The following SLC66A2 variants were observed in gnomAD, a reference collection of about 807,000 sequenced individuals.
SLC66A2 encodes the protein PQ loop repeat containing 1.
Under a neutral mutation model 25.5 loss-of-function variants are expected in SLC66A2, and 23 were observed. The observed-to-expected ratio is 0.90, with a 90% CI of 0.65 to 1.28. The LOEUF (loss-of-function observed/expected upper bound fraction) is 1.28. Ranked by LOEUF, SLC66A2 falls within the 50% of genes most tolerant of loss-of-function variation. The pLI is 0.00. For missense variants in SLC66A2, 396 were observed against 373.1 expected, an observed-to-expected ratio of 1.06 and a Z score of -0.51; for synonymous variants, 193 against 166.5, an observed-to-expected ratio of 1.16 and a Z score of -1.23.
chr18:79,921,949 G>A (rs1352555279), intron 4 of SLC66A2, among the ~76,000 whole-genome samples: 3 of 148,140 alleles, frequency 2.0e-5, no homozygotes, highest in African/African-American at 5.0e-5. Context: ...AGGGGCAGCC[G>A]AGGGTCAGAG....
chr18:79,920,541 CA>C (rs376147882), intron 4 of SLC66A2, among the ~76,000 whole-genome samples: 3 of 464 alleles, frequency 6.5e-3, no homozygotes, highest in Non-Finnish European at 0.33. Context: ...TGAGGAGAGA[CA>C]GGAACCGAGT....
At chr18:79,915,877 G>C (rs552779990) in intron 5 of SLC66A2, 1 of 150,534 alleles carries the variant, frequency 6.6e-6, no homozygotes, top group Non-Finnish European at 1.5e-5. Context: ...CTCCCATCTC[G>C]CCCACACAGC....
Position 79,903,853 on chromosome 18 carries a change from C to G in SLC66A2, c.*123G>C, listed in dbSNP as rs1475974886. 2.4e-6 allele frequency: 2 copies of G among 828,926 alleles called. No individual in the cohort carries two copies. The highest frequency in any genetic ancestry group is 3.7e-6 in the Non-Finnish European group (2 of 536,912). The allele number at this position is 828,926 out of a possible 1,614,324, so 51.3% of individuals were successfully genotyped here. ...ACACCCCACAGAGGCTGATGGAGAC[C>G]CCAATGCCCATGCCCCATCTCTGCC... is the stretch of plus-strand genomic sequence containing the variant. On this transcript the variant is annotated 3_prime_UTR_variant, in exon 6 of 6. Coordinates refer to ENST00000397778, the MANE Select transcript of SLC66A2 (RefSeq NM_025078.5).
intron 5 of SLC66A2, among the ~76,000 whole-genome samples, chr18:79,911,315 A>C (rs1281280522): frequency 6.6e-6 from 1 of 152,250 alleles, no homozygotes; most frequent in Non-Finnish European, 1.5e-5. Context: ...GGAGCCAGGC[A>C]GGCCAGGAGG....
Position 79,940,609 on chromosome 18 carries a change from G to C in SLC66A2, c.337+2720C>G, listed in dbSNP as rs967337388. Among the ~76,000 whole-genome samples, 2 of 152,058 alleles carry C rather than the reference G, an allele frequency of 1.3e-5. No individual in the cohort carries two copies. Among genetic ancestry groups the C allele is most frequent in the Non-Finnish European group, 1.5e-5 (1 of 68,004 alleles). Reference sequence around the variant, plus strand: ...ATGGGGCTGTGCTGCAGGAGCTACCGATCGGGCGGCCAGAAGCCAGAGCTT... The same window carrying C: ...ATGGGGCTGTGCTGCAGGAGCTACCCATCGGGCGGCCAGAAGCCAGAGCTT... On this transcript the variant is annotated intron_variant, in intron 3 of 5. Transcript: ENST00000397778. This position sits in a 1 kb window ranked among gnomAD's most constrained non-coding sequence, Gnocchi z 4.1.
At chr18:79,911,911 G>A (rs1349236926) in intron 5 of SLC66A2, among the ~76,000 whole-genome samples, 1 of 132,254 alleles carries the variant, frequency 7.6e-6, no homozygotes, top group African/African-American at 2.9e-5. Flanking sequence ...GGACAGGAGT[G>A]GGGGGGACGG....
chr18:79,905,032 A>G (rs4799104), intron 5 of SLC66A2, among the ~76,000 whole-genome samples: 152,210 of 152,264 alleles, frequency 1, 76,078 homozygotes, highest in Non-Finnish European at 1. Context: ...CCTGTGTGAG[A>G]GTCTTCAGGC....
At chr18:79,922,334 G>T (rs997549592) in intron 4 of SLC66A2, among the ~76,000 whole-genome samples, 8 of 151,030 alleles carry the variant, frequency 5.3e-5, no homozygotes, top group African/African-American at 1.9e-4. Context: ...TAATCTCTGA[G>T]AAGCCGTAGA....
At chr18:79,920,220 A>G (rs199828587) in intron 4 of SLC66A2, among the ~76,000 whole-genome samples, 2 of 27,924 alleles carry the variant, frequency 7.2e-5, no homozygotes, top group Admixed American at 4.7e-4. Context: ...TGAGAGGTCA[A>G]GGTCAGTGAG....
At chr18:79,925,247 G>A (rs902170627) in intron 4 of SLC66A2, among the ~76,000 whole-genome samples, 1 of 152,156 alleles carries the variant, frequency 6.6e-6, no homozygotes, top group Non-Finnish European at 1.5e-5. Flanking sequence ...CCGCACTGCT[G>A]AGCCCGACAG....
At chr18:79,931,030 T>C (rs1425592387) in intron 4 of SLC66A2, among the ~76,000 whole-genome samples, 1 of 152,200 alleles carries the variant, frequency 6.6e-6, no homozygotes, top group African/African-American at 2.4e-5. Flanking sequence ...TAAGTTAAGA[T>C]GAATATTGTA....
In SLC66A2 at chr18:79,904,266, G is replaced by A; in HGVS notation, c.609-83C>T. 2.3e-6 allele frequency: 3 copies of A among 1,298,410 alleles called. No homozygotes were observed. The highest frequency in any genetic ancestry group is 4.8e-5 in the East Asian group (2 of 41,650). 80.4% of individuals were successfully genotyped at this position (1,298,410 alleles called of 1,614,324 possible). A position where few individuals can be genotyped will look rare whatever the true frequency, so the allele number is the denominator to read the frequency against. On this transcript the variant is annotated intron_variant, in intron 5 of 5. Transcript: ENST00000397778. The surrounding 1 kb of genome is among the most constrained non-coding windows in gnomAD (Gnocchi z 6.3). Reference sequence around the variant, plus strand: ...AGTGGGGAGGCCTGGGGCTTAGACAGCGGGGAGACCTGGGGCTCAGGGGCA... The same window carrying A: ...AGTGGGGAGGCCTGGGGCTTAGACAACGGGGAGACCTGGGGCTCAGGGGCA...
intron 3 of SLC66A2, among the ~76,000 whole-genome samples, chr18:79,938,226 C>T (rs1030531629): frequency 6.6e-6 from 1 of 152,114 alleles, no homozygotes; most frequent in African/African-American, 2.4e-5. Flanking sequence ...CAATCACCCT[C>T]GGGACTTTAT....
intron 1 of SLC66A2, among the ~76,000 whole-genome samples, chr18:79,951,233 C>T (rs948695166): frequency 4.0e-5 from 6 of 151,560 alleles, no homozygotes; most frequent in African/African-American, 7.3e-5. Context: ...GGGGTCCCAG[C>T]GCCGGGGTCG....
chr18:79,923,322 G>A (rs1001410627), intron 4 of SLC66A2, among the ~76,000 whole-genome samples: 23 of 150,022 alleles, frequency 1.5e-4, no homozygotes, highest in South Asian at 6.4e-4. Flanking sequence ...GATGGTGGAC[G>A]GGCAGGCAGG....
At chr18:79,925,036 G>A (rs552762802) in intron 4 of SLC66A2, 95 of 152,434 alleles carry the variant, frequency 6.2e-4, no homozygotes, top group South Asian at 2.5e-3. Context: ...ACACCTGGTG[G>A]GCATGGTGAC....
At chr18:79,909,808 A>C (rs1472477326) in intron 5 of SLC66A2, among the ~76,000 whole-genome samples, 230 of 21,842 alleles carry the variant, frequency 0.011, no homozygotes, top group East Asian at 0.02. Flanking sequence ...ACCATCTCAC[A>C]AGAGTCCCCA....
At chr18:79,924,401 A>G (rs1343698168) in intron 4 of SLC66A2, among the ~76,000 whole-genome samples, 3 of 152,176 alleles carry the variant, frequency 2.0e-5, no homozygotes, top group Non-Finnish European at 4.4e-5. Context: ...ACAGCAGACG[A>G]GCCGCCGTCG....
chr18:79,936,579 A>T (rs773082813), intron 3 of SLC66A2, among the ~76,000 whole-genome samples: 14 of 152,230 alleles, frequency 9.2e-5, no homozygotes, highest in Non-Finnish European at 1.9e-4. Context: ...GATTTGGGAC[A>T]AATTTCAAGT....
Sources: gnomAD v4.1 joint callset for allele counts (sites outside exome capture counted in the v4.1 genomes callset) on GRCh38, gnomAD v4.1.1 for gene constraint, Gnocchi (gnomAD v3.1) non-coding constraint, MANE v1.5 for transcripts, NCBI Gene and HGNC (gene_info 2026-07-23, HGNC 2026-07-21) for gene names.